Variants in RNF220 observed in about 807,000 individuals in gnomAD.
RNF220 encodes the protein ring finger protein 220.
Under a neutral mutation model 67.1 loss-of-function variants are expected in RNF220, and 7 were observed. The observed-to-expected ratio is 0.10, with a 90% CI of 0.06 to 0.20. The LOEUF (loss-of-function observed/expected upper bound fraction) is 0.20, where lower values mean the gene tolerates loss of function less well. Ranked by LOEUF, RNF220 falls within the 10% of genes least tolerant of loss-of-function variation. The pLI, the probability that RNF220 is intolerant of heterozygous loss-of-function variation, is 1.00. For missense variants in RNF220, 565 were observed against 740.3 expected (o/e 0.76, Z 2.75); for synonymous variants, 270 against 283.2 (o/e 0.95, Z 0.47).
At chr1:44,418,627 T>C (rs1341704475) in intron 2 of RNF220, among the ~76,000 whole-genome samples, 3 of 62,814 alleles carry the variant, frequency 4.8e-5, no homozygotes, top group Admixed American at 4.6e-4. Context: ...TTGGTGGCCC[T>C]TTTTTGTTTG....
intron 2 of RNF220, among the ~76,000 whole-genome samples, chr1:44,484,588 G>C (rs898880721): frequency 7.2e-5 from 11 of 152,246 alleles, no homozygotes; most frequent in African/African-American, 2.6e-4. Context: ...ATGAACGAAA[G>C]GAGGCTGGGC....
At chr1:44,566,009 G>A (rs1187498742) in intron 2 of RNF220, among the ~76,000 whole-genome samples, 1 of 152,198 alleles carries the variant, frequency 6.6e-6, no homozygotes, top group East Asian at 1.9e-4. Flanking sequence ...TATCAGAGGG[G>A]CACACGCTGC....
At chr1:44,414,392 A>G (rs1648313589) in intron 2 of RNF220, among the ~76,000 whole-genome samples, 1 of 152,186 alleles carries the variant, frequency 6.6e-6, no homozygotes, top group Admixed American at 6.5e-5. Flanking sequence ...CTAATATGCC[A>G]CAAAGTAACA....
chr1:44,523,572 A>G (rs1032722716), intron 2 of RNF220, among the ~76,000 whole-genome samples: 1 of 152,230 alleles, frequency 6.6e-6, no homozygotes, highest in African/African-American at 2.4e-5. Context: ...CAGCTCTGCC[A>G]AAACCTCATC....
intron 5 of RNF220, among the ~76,000 whole-genome samples, chr1:44,630,787 G>T: frequency 6.6e-6 from 1 of 152,238 alleles, no homozygotes; most frequent in Non-Finnish European, 1.5e-5. Flanking sequence ...GAGCTAGTTA[G>T]CTCTGCAAAG....
In RNF220 at chr1:44,610,986, C is replaced by T. The variant is rs753358510; in HGVS notation, c.626-3179C>T. On this transcript the variant is annotated intron_variant, in intron 2 of 14. Transcript: ENST00000361799. ...AGCTGTATTCTGGGAATTATGCAAACGCGGAGCAGGCCCAGGGCCAGAGTA... is the reference window on the plus strand; with the variant it reads ...AGCTGTATTCTGGGAATTATGCAAATGCGGAGCAGGCCCAGGGCCAGAGTA... Among the ~76,000 whole-genome samples, 21 of 152,238 alleles carry T rather than the reference C, an allele frequency of 1.4e-4. No individual in the cohort carries two copies. The East Asian group carries it at 1.5e-3, about 11-fold the overall frequency.
intron 2 of RNF220, among the ~76,000 whole-genome samples, chr1:44,605,311 AAG>A (rs1557428628): frequency 1.4e-5 from 2 of 143,412 alleles, no homozygotes; most frequent in African/African-American, 2.6e-5. Flanking sequence ...AAAAAAAAAA[AAG>A]AAAAGAAAAG....
intron 2 of RNF220, among the ~76,000 whole-genome samples, chr1:44,545,913 C>T (rs542703349): frequency 1.6e-4 from 25 of 152,220 alleles, no homozygotes; most frequent in Admixed American, 5.2e-4. Context: ...TGCGCCACCA[C>T]GCCCGGCTAA....
intron 2 of RNF220, among the ~76,000 whole-genome samples, chr1:44,555,755 G>C (rs1045685827): frequency 6.6e-5 from 10 of 150,628 alleles, no homozygotes; most frequent in African/African-American, 9.9e-5. Context: ...GATTACAGGC[G>C]TGAGCCACCG....
intron 2 of RNF220, among the ~76,000 whole-genome samples, chr1:44,608,055 C>T (rs567175472): frequency 1.3e-5 from 2 of 152,214 alleles, no homozygotes; most frequent in South Asian, 4.1e-4. Context: ...TCCCAAGTCG[C>T]TGGGACTACA....
chr1:44,429,093 A>G (rs1572470664), intron 2 of RNF220, among the ~76,000 whole-genome samples: 1 of 149,640 alleles, frequency 6.7e-6, no homozygotes, highest in African/African-American at 2.5e-5. Flanking sequence ...TTTCATTCCT[A>G]CTCTTCAGTC....
intron 2 of RNF220, among the ~76,000 whole-genome samples, chr1:44,504,911 C>T (rs1658274916): frequency 6.6e-6 from 1 of 152,134 alleles, no homozygotes; most frequent in Non-Finnish European, 1.5e-5. Flanking sequence ...AGGGCCATTT[C>T]AGATTGATGC....
At chr1:44,506,258 T>C (rs533484420) in intron 2 of RNF220, among the ~76,000 whole-genome samples, 1 of 152,230 alleles carries the variant, frequency 6.6e-6, no homozygotes, top group East Asian at 1.9e-4. Context: ...GGTGGCAGGG[T>C]TGCTGGTGGC....
chr1:44,534,088 C>G (rs1661027313), intron 2 of RNF220, among the ~76,000 whole-genome samples: 1 of 152,108 alleles, frequency 6.6e-6, no homozygotes, highest in South Asian at 2.1e-4. Flanking sequence ...GATTCTTGTG[C>G]CTTAGCCAAC....
Position 44,636,130 on chromosome 1 carries a change from G to A in RNF220, c.1094G>A (p.Arg365Gln), listed in dbSNP as rs1010750511. 10 of 1,611,044 alleles carry A rather than the reference G, an allele frequency of 6.2e-6. No individual in the cohort carries two copies. In the African/African-American group the frequency reaches 8.0e-5, roughly 13 times the overall value. ...GAGTGGTGTGGACAGAAGCGGATACGGGCCACCACTCTCCTGGAAGGTGGC... is the reference window on the plus strand; with the variant it reads ...GAGTGGTGTGGACAGAAGCGGATACAGGCCACCACTCTCCTGGAAGGTGGC... ...EYEWCGQKRIRATTLLEGGFR... is the reference protein window; with the variant it reads ...EYEWCGQKRIQATTLLEGGFR... The change falls in exon 8 of 15, where the codon CGG becomes CAG. Residue 365 changes from arginine to glutamine, a missense_variant. Coordinates refer to ENST00000361799, the MANE Select transcript of RNF220 (RefSeq NM_018150.4).
At chr1:44,421,276 C>T (rs1006948481) in intron 2 of RNF220, among the ~76,000 whole-genome samples, 22 of 152,116 alleles carry the variant, frequency 1.4e-4, no homozygotes, top group African/African-American at 4.8e-4. Context: ...TTTTATATTA[C>T]TGGATATTGT....
chr1:44,523,057 C>T (rs1660065073), intron 2 of RNF220, among the ~76,000 whole-genome samples: 1 of 152,200 alleles, frequency 6.6e-6, no homozygotes, highest in Non-Finnish European at 1.5e-5. Context: ...CAAAAATAAA[C>T]ACTGCCTCCT....
chr1:44,524,961 G>C (rs139408861), intron 2 of RNF220, among the ~76,000 whole-genome samples: 146 of 151,404 alleles, frequency 9.6e-4, no homozygotes, highest in African/African-American at 3.3e-3. Context: ...TCTTCAGCTG[G>C]TGAAAAAAAG....
intron 2 of RNF220, among the ~76,000 whole-genome samples, chr1:44,559,658 G>C (rs574116865): frequency 6.6e-6 from 1 of 152,294 alleles, no homozygotes; most frequent in Non-Finnish European, 1.5e-5. Context: ...TTAGGAAGAG[G>C]GGGCCACGGC....
Sources: gnomAD v4.1 joint callset for allele counts (sites outside exome capture counted in the v4.1 genomes callset) on GRCh38, gnomAD v4.1.1 for gene constraint, MANE v1.5 for transcripts, NCBI Gene and HGNC (gene_info 2026-07-23, HGNC 2026-07-21) for gene names.